The following PTPDC1 variants were observed in gnomAD, a reference collection of about 807,000 sequenced individuals.
The protein encoded by PTPDC1 is protein tyrosine phosphatase domain containing 1.
A neutral mutation model predicts 75.3 loss-of-function variants in PTPDC1; 53 were observed. The ratio of observed to expected loss-of-function variants is 0.70; its 90% CI spans 0.56 to 0.88. The LOEUF is 0.88. PTPDC1 is among the 40% of genes least tolerant of loss of function. The probability of loss-of-function intolerance (pLI) is 0.00; values close to 1 mark genes in which losing one functional copy is unlikely to be tolerated. For synonymous variants in PTPDC1, 349 were observed against 366.2 expected, an observed-to-expected ratio of 0.95 and a Z score of 0.54; for missense variants, 925 against 998.6, an observed-to-expected ratio of 0.93 and a Z score of 0.99.
chr9:94,051,115 C>A (rs1192681208), intron 1 of PTPDC1, among the ~76,000 whole-genome samples: 1 of 152,182 alleles, frequency 6.6e-6, no homozygotes, highest in Non-Finnish European at 1.5e-5. Context: ...GTCTGTACCC[C>A]TTTCTTTGAC....
upstream of PTPDC1, among the ~76,000 whole-genome samples, chr9:94,083,618 G>T (rs1283323062): frequency 2.0e-5 from 3 of 152,202 alleles, no homozygotes; most frequent in Non-Finnish European, 2.9e-5. Flanking sequence ...ATTAGTGGTT[G>T]TTGCACTTTC....
chr9:94,101,807 G>A (rs1172241200), intron 7 of PTPDC1, 56 bp downstream of exon 7: 12 of 931,394 alleles, frequency 1.3e-5, no homozygotes, highest in South Asian at 8.0e-5. Flanking sequence ...AGTTTTTCAC[G>A]CAGAAAAAAA....
chr9:94,093,975 A>G (rs889478893), intron 4 of PTPDC1, among the ~76,000 whole-genome samples: 6 of 151,944 alleles, frequency 3.9e-5, no homozygotes, highest in African/African-American at 1.5e-4. Flanking sequence ...TATTCTAGTA[A>G]TACATTCTCC....
At chr9:94,032,421 G>T (rs1283152485) in intron 1 of PTPDC1, among the ~76,000 whole-genome samples, 1 of 152,200 alleles carries the variant, frequency 6.6e-6, no homozygotes, top group African/African-American at 2.4e-5. Context: ...TCGTGGGGTT[G>T]TACCCAAGGG....
intron 1 of PTPDC1, chr9:94,064,691 T>C (rs1459943974): frequency 1.4e-6 from 2 of 1,433,360 alleles, no homozygotes; most frequent in African/African-American, 2.8e-5. Context: ...AATAAATGAC[T>C]GTCCCAAGGC....
rs985958308 is a variant in PTPDC1 at position 94,064,825 on chromosome 9, A to G, written c.82+4A>G. The stretch of plus-strand genomic sequence containing the variant: ...GAGTGTGTTGCAAACATGAAAGGTA[A>G]TGTCTCTTTAATACACTTTTTGTCT... On this transcript the variant is annotated splice_donor_region_variant and intron_variant, in intron 2 of 9. Transcript: ENST00000375360. 3 of 1,604,940 alleles carry G rather than the reference A, an allele frequency of 1.9e-6. No individual in the cohort carries two copies. In the African/African-American group the frequency reaches 4.0e-5, roughly 21 times the overall value.
intron 1 of PTPDC1, among the ~76,000 whole-genome samples, chr9:94,035,337 T>A (rs1006810478): frequency 2.6e-5 from 4 of 152,228 alleles, no homozygotes; most frequent in Non-Finnish European, 5.9e-5. Context: ...TCCTCCCAGC[T>A]GTCAGCTTCT....
In PTPDC1 at chr9:94,097,346, T is replaced by A. The variant is rs1185973485; in HGVS notation, c.780T>A (p.Val260=). ...GTGTTTTAATAGCCTGTTACTTAGT[T>A]TTTGCAACGAGAATGACTGCTGACC... ...RTGVLIACYL[V]FATRMTADQA... is the part of the protein sequence containing the mutation. Residue 260 remains valine, a synonymous_variant, in exon 6 of 9, where the codon GTT becomes GTA. Coordinates refer to ENST00000620992, the MANE Select transcript of PTPDC1 (RefSeq NM_001253829.2). 1 of 1,610,144 alleles carries A rather than the reference T, an allele frequency of 6.2e-7. No homozygotes were observed. Among genetic ancestry groups the A allele is most frequent in the African/African-American group, 1.3e-5 (1 of 74,818 alleles).
intron 1 of PTPDC1, among the ~76,000 whole-genome samples, chr9:94,042,983 C>G (rs1167262629): frequency 6.6e-6 from 1 of 152,198 alleles, no homozygotes; most frequent in Non-Finnish European, 1.5e-5. Context: ...CAAGTTTTAT[C>G]ATGAAATTGC....
chr9:94,067,244 G>T (rs1587864611), intron 2 of PTPDC1, among the ~76,000 whole-genome samples: 1 of 151,890 alleles, frequency 6.6e-6, no homozygotes. Context: ...AAAAAAATTA[G>T]CCGAGCATGG....
chr9:94,077,985 A>G (rs1213688012), intron 2 of PTPDC1, among the ~76,000 whole-genome samples: 1 of 152,226 alleles, frequency 6.6e-6, no homozygotes, highest in Non-Finnish European at 1.5e-5. Context: ...CAGTATCCCA[A>G]CAGTCAGTTC....
At chr9:94,074,015 T>C (rs139108470) in intron 2 of PTPDC1, among the ~76,000 whole-genome samples, 12 of 152,354 alleles carry the variant, frequency 7.9e-5, no homozygotes, top group East Asian at 1.9e-4. Context: ...AAAGTCCTTA[T>C]TGGAAATTTT....
chr9:94,079,076 G>A (rs140934972), intron 2 of PTPDC1, among the ~76,000 whole-genome samples: 94 of 152,182 alleles, frequency 6.2e-4, no homozygotes, highest in African/African-American at 2.0e-3. Context: ...GTTGAAAACT[G>A]GACATTTTAG....
At chr9:94,069,703 C>T (rs567109009) in intron 2 of PTPDC1, among the ~76,000 whole-genome samples, 5 of 150,660 alleles carry the variant, frequency 3.3e-5, no homozygotes, top group African/African-American at 4.9e-5. Flanking sequence ...TTAGTAGAGA[C>T]GGGGTTTCAC....
At chr9:94,104,409 C>T (rs1192570483) in intron 8 of PTPDC1, 24 bp downstream of exon 8, 17 of 1,441,412 alleles carry the variant, frequency 1.2e-5, no homozygotes, top group Non-Finnish European at 1.7e-5. Flanking sequence ...TTCCTTTCCC[C>T]TCTCTGAACC....
chr9:94,054,340 G>T (rs566196251), intron 1 of PTPDC1, among the ~76,000 whole-genome samples: 36 of 152,194 alleles, frequency 2.4e-4, no homozygotes, highest in African/African-American at 8.4e-4. Flanking sequence ...TTACATATTG[G>T]GGACAGAATT....
At chr9:94,070,838 C>G (rs1180114161) in intron 2 of PTPDC1, among the ~76,000 whole-genome samples, 1 of 152,062 alleles carries the variant, frequency 6.6e-6, no homozygotes, top group Non-Finnish European at 1.5e-5. Flanking sequence ...TTGTGTGTAC[C>G]AATAGTTGAG....
intron 1 of PTPDC1, among the ~76,000 whole-genome samples, chr9:94,033,531 C>G (rs576741768): frequency 6.6e-6 from 1 of 152,286 alleles, no homozygotes; most frequent in South Asian, 2.1e-4. Flanking sequence ...CTGGTGACGT[C>G]CTCTCTGATT....
rs1564034645 is a variant in PTPDC1 at position 94,098,135 on chromosome 9, TA to T, written c.1571del (p.Asn524MetfsTer115). 1 of 1,614,104 alleles carries T rather than the reference TA, an allele frequency of 6.2e-7. No homozygotes were observed. Among genetic ancestry groups the T allele is most frequent in the African/African-American group, 1.3e-5 (1 of 74,934 alleles). On this transcript the variant is annotated frameshift_variant, in exon 6 of 9. Coordinates refer to ENST00000620992, the MANE Select transcript of PTPDC1 (RefSeq NM_001253829.2). LOFTEE classifies it high-confidence loss of function. ...KFGGLEGLKD[N>X]GSPIFHGRII... Reference sequence around the variant, plus strand: ...TTGGAGGCCTGGAAGGACTCAAAGATAATGGGTCACCAATTTTCCATGGAAG... The same window carrying T: ...TTGGAGGCCTGGAAGGACTCAAAGATATGGGTCACCAATTTTCCATGGAAG...
Sources: gnomAD v4.1 joint callset for allele counts (sites outside exome capture counted in the v4.1 genomes callset) on GRCh38, gnomAD v4.1.1 for gene constraint, MANE v1.5 for transcripts, NCBI Gene and HGNC (gene_info 2026-07-23, HGNC 2026-07-21) for gene names.